Variants in LAMA2 observed in about 807,000 individuals in gnomAD.
LAMA2 encodes laminin subunit alpha-2.
Under a neutral mutation model 364.8 loss-of-function variants are expected in LAMA2, and 269 were observed. The observed-to-expected ratio is 0.74, with a 90% CI of 0.67 to 0.82. The LOEUF is 0.82. Among genes scored for constraint, LAMA2 ranks in the 40% least tolerant of loss-of-function variants. The pLI, the probability that LAMA2 is intolerant of heterozygous loss-of-function variation, is 0.00. For synonymous variants in LAMA2, 1,379 were observed against 1,370.6 expected, an observed-to-expected ratio of 1.01 and a Z score of -0.14; for missense variants, 3,807 against 3,873.2, an observed-to-expected ratio of 0.98 and a Z score of 0.45.
At chr6:129,231,781 T>G (rs574020887) in intron 12 of LAMA2, among the ~76,000 whole-genome samples, 43 of 152,258 alleles carry the variant, frequency 2.8e-4, no homozygotes, top group Non-Finnish European at 1.0e-4. Flanking sequence ...TTTTTATTAT[T>G]TATTATTTGG....
At chr6:129,189,054 A>T (rs571082325) in intron 10 of LAMA2, among the ~76,000 whole-genome samples, 1 of 152,182 alleles carries the variant, frequency 6.6e-6, no homozygotes, top group South Asian at 2.1e-4. Context: ...TCAGTGCTGT[A>T]CCAGGAACCA....
At chr6:129,051,174 T>C (rs1466254242) in intron 2 of LAMA2, among the ~76,000 whole-genome samples, 8 of 143,506 alleles carry the variant, frequency 5.6e-5, no homozygotes, top group African/African-American at 1.4e-4. Context: ...CGCTTACCTC[T>C]CTCTCTCTGT....
At chr6:129,078,026 A>C (rs1215813802) in intron 3 of LAMA2, among the ~76,000 whole-genome samples, 15 of 152,164 alleles carry the variant, frequency 9.9e-5, no homozygotes, top group Non-Finnish European at 2.1e-4. Flanking sequence ...TTGACGTGTC[A>C]ATGTCATTTC....
chr6:129,188,603 T>C (rs1395632597), intron 10 of LAMA2, among the ~76,000 whole-genome samples: 1 of 151,956 alleles, frequency 6.6e-6, no homozygotes, highest in Admixed American at 6.6e-5. Context: ...TATTTGTCAC[T>C]GTAAGTCTGA....
chr6:129,198,464 T>C (rs901633748), intron 12 of LAMA2, among the ~76,000 whole-genome samples: 18 of 152,162 alleles, frequency 1.2e-4, no homozygotes, highest in Admixed American at 2.6e-4. Flanking sequence ...GGAATAGAGA[T>C]GCTGAAGCAG....
chr6:129,450,678 G>A (rs190874948), intron 45 of LAMA2, among the ~76,000 whole-genome samples: 2 of 152,262 alleles, frequency 1.3e-5, no homozygotes, highest in Non-Finnish European at 2.9e-5. Context: ...CCATAATACA[G>A]CCATAGGGCC....
chr6:129,179,847 T>C (rs1780826004), intron 10 of LAMA2, among the ~76,000 whole-genome samples: 1 of 152,144 alleles, frequency 6.6e-6, no homozygotes, highest in South Asian at 2.1e-4. Flanking sequence ...TCACAAATTA[T>C]ATGCATATAA....
At position 129,404,005 on chromosome 6, in the gene LAMA2, T is replaced by C. The variant is rs200077211; in HGVS notation, c.5865+46T>C. The C allele has an allele frequency of 1.9e-5, 30 of 1,609,122 alleles. No individual in the cohort carries two copies. The East Asian group carries it at 3.8e-4, about 20-fold the overall frequency. On this transcript the variant is annotated intron_variant, in intron 40 of 64. Coordinates refer to ENST00000421865, the MANE Select transcript of LAMA2 (RefSeq NM_000426.4). ...GTGCTGGGAATGGAAGTCAACCTTT[T>C]TGAATTTTTCAAATGTAAGTCAGTC... is the stretch of plus-strand genomic sequence containing the variant.
At chr6:129,484,570 T>C (rs1314043220) in intron 55 of LAMA2, among the ~76,000 whole-genome samples, 1 of 152,118 alleles carries the variant, frequency 6.6e-6, no homozygotes, top group African/African-American at 2.4e-5. Context: ...CACTTTTGCA[T>C]AATGGGATAT....
chr6:129,008,306 G>C (rs984067210), intron 1 of LAMA2, among the ~76,000 whole-genome samples: 11 of 151,924 alleles, frequency 7.2e-5, no homozygotes, highest in Admixed American at 6.6e-5. Flanking sequence ...GTAATATAAG[G>C]CTGCTGAACT....
At chr6:128,963,810 T>A (rs908558294) in intron 1 of LAMA2, among the ~76,000 whole-genome samples, 3 of 152,078 alleles carry the variant, frequency 2.0e-5, no homozygotes, top group Non-Finnish European at 4.4e-5. Context: ...GACAAAACAT[T>A]CATTGAAATG....
intron 37 of LAMA2, among the ~76,000 whole-genome samples, chr6:129,398,632 A>G (rs892333419): frequency 6.6e-5 from 10 of 150,574 alleles, no homozygotes; most frequent in Admixed American, 2.6e-4. Context: ...GCACCACCAC[A>G]CCCAGCTAAT....
intron 11 of LAMA2, among the ~76,000 whole-genome samples, chr6:129,192,101 A>C (rs1389956270): frequency 6.6e-6 from 1 of 152,250 alleles, no homozygotes; most frequent in Non-Finnish European, 1.5e-5. Context: ...CATAGCACCA[A>C]GGCTGGTGGG....
chr6:129,148,031 C>T (rs1778572145), intron 6 of LAMA2, among the ~76,000 whole-genome samples: 1 of 152,022 alleles, frequency 6.6e-6, no homozygotes, highest in African/African-American at 2.4e-5. Context: ...CCCTATCAAC[C>T]CATCACCTAG....
chr6:128,890,319 C>T (rs1441488901), intron 1 of LAMA2, among the ~76,000 whole-genome samples: 1 of 152,034 alleles, frequency 6.6e-6, no homozygotes, highest in Non-Finnish European at 1.5e-5. Context: ...AATTCCAATG[C>T]TTATTTTAGA....
At chr6:129,234,506 T>G (rs890577856) in intron 12 of LAMA2, among the ~76,000 whole-genome samples, 2 of 152,212 alleles carry the variant, frequency 1.3e-5, no homozygotes, top group African/African-American at 4.8e-5. Context: ...TAGTGATATT[T>G]CTTCTACCAT....
At chr6:128,940,929 T>C (rs544773614) in intron 1 of LAMA2, among the ~76,000 whole-genome samples, 5 of 152,228 alleles carry the variant, frequency 3.3e-5, no homozygotes, top group African/African-American at 1.2e-4. Flanking sequence ...CCAGGCTGGG[T>C]GACAGAGCAA....
At chr6:129,400,346 C>CCT (rs1255524933) in intron 37 of LAMA2, among the ~76,000 whole-genome samples, 1 of 152,114 alleles carries the variant, frequency 6.6e-6, no homozygotes, top group Non-Finnish European at 1.5e-5. Flanking sequence ...ATTCAATTTC[C>CCT]CACTTATGTA....
intron 1 of LAMA2, among the ~76,000 whole-genome samples, chr6:128,962,384 C>G (rs1285127089): frequency 6.6e-6 from 1 of 151,404 alleles, no homozygotes; most frequent in Non-Finnish European, 1.5e-5. Context: ...TGATTCTGAG[C>G]CCTATCTATG....
Sources: allele counts gnomAD v4.1 joint callset (sites outside exome capture counted in the v4.1 genomes callset), GRCh38; gene constraint gnomAD v4.1.1; transcripts MANE v1.5; gene names NCBI Gene and HGNC (gene_info 2026-07-23, HGNC 2026-07-21).